PCDHA7: variants seen among roughly 807,000 people sequenced by gnomAD.
PCDHA7 encodes protocadherin alpha 7, also known as protocadherin alpha-7.
A neutral mutation model predicts 57.2 loss-of-function variants in PCDHA7; 37 were observed. That is an observed-to-expected ratio of 0.65 (90% CI 0.50 to 0.85). The LOEUF (loss-of-function observed/expected upper bound fraction) is 0.85. Among genes scored for constraint, PCDHA7 ranks in the 40% least tolerant of loss-of-function variants. The pLI is 0.00. For missense variants in PCDHA7, 1,188 were observed against 1,241.8 expected (o/e 0.96, Z 0.65); for synonymous variants, 553 against 558.8 (o/e 0.99, Z 0.15).
At position 140,849,621 on chromosome 5, in the gene PCDHA7, G is replaced by C. The variant is rs2150442688; in HGVS notation, c.2355+12883G>C. 15 of 1,598,666 alleles carry C rather than the reference G, an allele frequency of 9.4e-6. 1 individual carries two copies. The highest frequency in any genetic ancestry group is 1.7e-5 in the Admixed American group (1 of 59,290). ...AGTTATTGCCCTGATTAGTGTGATCGACCTAGACGCAGATGCCAACGGGCA... is the reference window on the plus strand; with the variant it reads ...AGTTATTGCCCTGATTAGTGTGATCCACCTAGACGCAGATGCCAACGGGCA... On this transcript the variant is annotated intron_variant, in intron 1 of 3. Coordinates refer to ENST00000525929, the MANE Select transcript of PCDHA7 (RefSeq NM_018910.3).
Position 140,876,293 on chromosome 5 carries a change from A to G in PCDHA7, c.2355+39555A>G, listed in dbSNP as rs201253884. Reference sequence around the variant, plus strand: ...GCTTCCGATCCAGACGAAGGACTTAATGGAGAAATTTCCTATGGGATCAAA... The same window carrying G: ...GCTTCCGATCCAGACGAAGGACTTAGTGGAGAAATTTCCTATGGGATCAAA... On this transcript the variant is annotated intron_variant, in intron 1 of 3. Transcript: ENST00000525929. The G allele has an allele frequency of 9.9e-6, 16 of 1,613,942 alleles. No homozygotes were observed. The highest frequency in any genetic ancestry group is 2.5e-6 in the Non-Finnish European group (3 of 1,179,906).
intron 1 of PCDHA7, chr5:140,864,396 G>T (rs2048459702): frequency 6.6e-6 from 1 of 152,210 alleles, no homozygotes; most frequent in South Asian, 2.1e-4. Flanking sequence ...CACAAATGGT[G>T]ATGAGCAGGG....
intron 1 of PCDHA7, among the ~76,000 whole-genome samples, chr5:140,871,887 G>T (rs1294459270): frequency 6.6e-6 from 1 of 152,170 alleles, no homozygotes; most frequent in Non-Finnish European, 1.5e-5. Flanking sequence ...GCTCCTCTTT[G>T]TCTTTTAGCA....
At chr5:140,881,648 CCTT>C (rs1554172342) in intron 1 of PCDHA7, among the ~76,000 whole-genome samples, 4 of 152,182 alleles carry the variant, frequency 2.6e-5, no homozygotes, top group African/African-American at 9.7e-5. Flanking sequence ...ATATTTTTCA[CCTT>C]CACCGATTTT....
chr5:140,970,933 G>T (rs782607345), intron 1 of PCDHA7, among the ~76,000 whole-genome samples: 6 of 152,176 alleles, frequency 3.9e-5, no homozygotes, highest in African/African-American at 9.7e-5. Context: ...CCTGGTGTTA[G>T]TCAATGCTGA....
chr5:140,952,615 C>T (rs572552032), intron 1 of PCDHA7, among the ~76,000 whole-genome samples: 1 of 152,288 alleles, frequency 6.6e-6, no homozygotes, highest in East Asian at 1.9e-4. Context: ...TCTCCCTCAT[C>T]TTCCCTCCAC....
chr5:140,995,379 G>T (rs1300023701), intron 3 of PCDHA7, among the ~76,000 whole-genome samples: 2 of 152,172 alleles, frequency 1.3e-5, no homozygotes, highest in East Asian at 1.9e-4. Context: ...CACGTACTGG[G>T]CAGGATAAAG....
chr5:140,874,053 CAATTT>C (rs1290519215), intron 1 of PCDHA7, among the ~76,000 whole-genome samples: 1 of 152,190 alleles, frequency 6.6e-6, no homozygotes, highest in Non-Finnish European at 1.5e-5. Flanking sequence ...TGATATTAGA[CAATTT>C]AAATAATTAG....
At chr5:140,882,294 C>T (rs1554173437) in intron 1 of PCDHA7, 1 of 1,613,662 alleles carries the variant, frequency 6.2e-7, no homozygotes. Flanking sequence ...CAAGGAGGCC[C>T]AAGACCGCGG....
At chr5:140,854,853 C>T (rs1441066752) in intron 1 of PCDHA7, among the ~76,000 whole-genome samples, 1 of 149,620 alleles carries the variant, frequency 6.7e-6, no homozygotes, top group East Asian at 1.9e-4. Flanking sequence ...GATAAAATTA[C>T]TAGATATATT....
intron 1 of PCDHA7, among the ~76,000 whole-genome samples, chr5:140,924,530 C>T (rs1263885513): frequency 6.6e-6 from 1 of 152,002 alleles, no homozygotes; most frequent in Non-Finnish European, 1.5e-5. Context: ...AGAGAATGCC[C>T]GAGCTACCCC....
intron 1 of PCDHA7, among the ~76,000 whole-genome samples, chr5:140,905,043 A>T (rs782694794): frequency 1.5e-4 from 23 of 152,126 alleles, no homozygotes; most frequent in Non-Finnish European, 5.9e-5. Flanking sequence ...TAGTTTAATT[A>T]GGTCCCATTT....
chr5:140,887,857 G>A lies in PCDHA7; in HGVS notation c.2355+51119G>A, dbSNP rs139840938. Among the ~76,000 whole-genome samples the A allele has an allele frequency of 2.6e-3, 395 of 152,084 alleles. 2 individuals carry two copies. The highest frequency in any genetic ancestry group is 9.3e-3 in the African/African-American group (384 of 41,488). ...TATCTTTTATTGACATATTTTCCAAGTTCACTAATTTTTCCTTTTGTAGTA... is the reference window on the plus strand; with the variant it reads ...TATCTTTTATTGACATATTTTCCAAATTCACTAATTTTTCCTTTTGTAGTA... On this transcript the variant is annotated intron_variant, in intron 1 of 3. Coordinates refer to ENST00000525929, the MANE Select transcript of PCDHA7 (RefSeq NM_018910.3).
intron 1 of PCDHA7, chr5:140,869,303 C>T (rs1403563775): frequency 6.2e-7 from 1 of 1,613,586 alleles, no homozygotes; most frequent in Non-Finnish European, 8.5e-7. Flanking sequence ...TTCCGGGTGG[C>T]GTCCAAAACA....
chr5:140,865,381 G>A (rs1260895548), intron 1 of PCDHA7: 3 of 152,122 alleles, frequency 2.0e-5, no homozygotes, highest in African/African-American at 7.2e-5. Context: ...TATAGGTAGG[G>A]TAAAGTTAAT....
intron 1 of PCDHA7, chr5:140,856,972 C>T: frequency 6.3e-7 from 1 of 1,594,490 alleles, no homozygotes; most frequent in Non-Finnish European, 8.6e-7. Context: ...ATGCTATTGA[C>T]TTTGAGGACA....
intron 1 of PCDHA7, chr5:140,884,142 G>A (rs782033390): frequency 5.6e-6 from 9 of 1,613,298 alleles, no homozygotes; most frequent in African/African-American, 1.3e-5. Flanking sequence ...TTCCGCGTGG[G>A]GCTGTACACT....
At position 140,854,099 on chromosome 5, in the gene PCDHA7, C is replaced by T. The variant is rs139574544; in HGVS notation, c.2355+17361C>T. 48 of 268,552 alleles carry T rather than the reference C, an allele frequency of 1.8e-4. 2 individuals are homozygous for T. Among genetic ancestry groups the T allele is most frequent in the African/African-American group, 8.8e-4 (36 of 40,902 alleles). 16.6% of individuals were successfully genotyped at this position (268,552 alleles called of 1,614,324 possible). The stretch of plus-strand genomic sequence containing the variant: ...ATCGCTTGAGCCTGGGACATTGAGG[C>T]TGCAGTGAACTGTGATGGCACAACT... On this transcript the variant is annotated intron_variant, in intron 1 of 3. Transcript: ENST00000525929.
chr5:140,953,871 A>G (rs2094944952), intron 1 of PCDHA7, among the ~76,000 whole-genome samples: 1 of 152,146 alleles, frequency 6.6e-6, no homozygotes, highest in African/African-American at 2.4e-5. Context: ...TTTGCTGCAC[A>G]GATCAACCCA....
Sources: allele counts gnomAD v4.1 joint callset (sites outside exome capture counted in the v4.1 genomes callset), GRCh38; gene constraint gnomAD v4.1.1; transcripts MANE v1.5; gene names NCBI Gene and HGNC (gene_info 2026-07-23, HGNC 2026-07-21).